FLRT1: variants seen among roughly 807,000 people sequenced by gnomAD.
The protein encoded by FLRT1 is leucine-rich repeat transmembrane protein FLRT1.
In FLRT1, 14 loss-of-function variants were observed where a neutral mutation model predicts 30.9. The observed-to-expected ratio is 0.45, with a 90% CI of 0.30 to 0.71. The LOEUF is 0.71. Among genes scored for constraint, FLRT1 ranks in the 30% least tolerant of loss-of-function variants. The pLI, the probability that FLRT1 is intolerant of heterozygous loss-of-function variation, is 0.08. For missense variants in FLRT1, 737 were observed against 949.2 expected, an observed-to-expected ratio of 0.78 and a Z score of 2.94; for synonymous variants, 368 against 430.4, an observed-to-expected ratio of 0.85 and a Z score of 1.80.
In FLRT1 at chr11:64,047,627, T is replaced by C. The variant is rs145663259; in HGVS notation, c.-1038+11468T>C. Among the ~76,000 whole-genome samples the C allele has an allele frequency of 3.5e-3, 526 of 152,150 alleles. 5 individuals are homozygous for C. The highest frequency in any genetic ancestry group is 0.012 in the African/African-American group (513 of 41,532). ...TAGAGGGAAGGAAGGCCGGGCGCGG[T>C]GGCTTATGCTTGTAATCCCAGCACT... On this transcript the variant is annotated intron_variant, in intron 1 of 2. Transcript: ENST00000682287.
At position 64,082,266 on chromosome 11, in the gene FLRT1, GGGGGT is replaced by G. The variant is rs912984951; in HGVS notation, c.-1037-20925_-1037-20921del. The stretch of plus-strand genomic sequence containing the variant: ...GCTTAGCAGAGGATGGCTGAGCCTG[GGGGGT>G]GGAGAAAATCTTGCCTCCTGCTCTG... On this transcript the variant is annotated intron_variant, in intron 1 of 2. Coordinates refer to ENST00000682287, the MANE Select transcript of FLRT1 (RefSeq NM_013280.5). The surrounding 1 kb of genome is among the most constrained non-coding windows in gnomAD (Gnocchi z 4.5). Among the ~76,000 whole-genome samples the G allele has an allele frequency of 2.6e-5, 4 of 152,136 alleles. No homozygotes were observed. The highest frequency in any genetic ancestry group is 9.7e-5 in the African/African-American group (4 of 41,426).
rs1490700767 is a variant in FLRT1, at chr11:64,036,451, G to A, written c.-1038+292G>A. ...CCGAGCCGAGGCTGGAAAGGGCGGG[G>A]GCTCAGCTGGAGCTCTAGTCCAAGC... On this transcript the variant is annotated intron_variant, in intron 1 of 2. Coordinates refer to ENST00000682287, the MANE Select transcript of FLRT1 (RefSeq NM_013280.5). This position sits in a 1 kb window ranked among gnomAD's most constrained non-coding sequence, Gnocchi z 5.6. Among the ~76,000 whole-genome samples, 1 of 152,160 alleles carries A rather than the reference G, an allele frequency of 6.6e-6. No individual in the cohort carries two copies. Among genetic ancestry groups the A allele is most frequent in the South Asian group, 2.1e-4 (1 of 4,834 alleles).
intron 1 of FLRT1, among the ~76,000 whole-genome samples, chr11:64,072,328 G>A (rs1214830971): frequency 1.3e-5 from 2 of 152,304 alleles, no homozygotes; most frequent in Middle Eastern, 3.4e-3. Context: ...GCACCAGGGC[G>A]AGCCTTTGGG....
intron 1 of FLRT1, among the ~76,000 whole-genome samples, chr11:64,084,844 G>A (rs1184037132): frequency 6.6e-6 from 1 of 152,206 alleles, no homozygotes. Context: ...CCCCGGCCCG[G>A]GAGGGGCGCA....
chr11:64,075,403 A>T (rs1944182776), intron 1 of FLRT1, among the ~76,000 whole-genome samples: 1 of 152,244 alleles, frequency 6.6e-6, no homozygotes, highest in Non-Finnish European at 1.5e-5. Context: ...TCATTTCTTC[A>T]TTGCAATCCA....
rs560578143 is a variant in FLRT1 at position 64,072,042 on chromosome 11, GCACTAAATCCTCCCGGCAGACAA to G, written c.-1037-31151_-1037-31129del. Among the ~76,000 whole-genome samples the G allele has an allele frequency of 1.9e-3, 291 of 152,348 alleles. 3 individuals are homozygous for G. Among genetic ancestry groups the G allele is most frequent in the East Asian group, 0.019 (99 of 5,184 alleles). On this transcript the variant is annotated intron_variant, in intron 1 of 2. Transcript: ENST00000682287. ...ACAAACGCACTATTGACCGCCGCGCGCACTAAATCCTCCCGGCAGACAAGATGATGTGAGCCCGAATCGAATCG... is the reference window on the plus strand; with the variant it reads ...ACAAACGCACTATTGACCGCCGCGCGGATGATGTGAGCCCGAATCGAATCG...
chr11:64,063,610 A>AAG (rs1943943769), intron 1 of FLRT1, among the ~76,000 whole-genome samples: 1 of 152,172 alleles, frequency 6.6e-6, no homozygotes. Flanking sequence ...AAGCTCACGT[A>AAG]GGAATGAAAC....
intron 1 of FLRT1, among the ~76,000 whole-genome samples, chr11:64,041,549 A>G (rs1396319509): frequency 1.3e-5 from 2 of 151,990 alleles, no homozygotes; most frequent in Non-Finnish European, 1.5e-5. Flanking sequence ...GAGTGGTCGC[A>G]GAGGTGGGGC....
chr11:64,056,234 A>G (rs1400440945), intron 1 of FLRT1, among the ~76,000 whole-genome samples: 1 of 152,122 alleles, frequency 6.6e-6, no homozygotes, highest in Non-Finnish European at 1.5e-5. Flanking sequence ...GAGCTGCAGC[A>G]GGTGGGCCCA....
rs1355665609 is a variant in FLRT1, at chr11:64,064,244, G to C, written c.-1038+28085G>C. Among the ~76,000 whole-genome samples, 1 of 152,190 alleles carries C rather than the reference G, an allele frequency of 6.6e-6. No homozygotes were observed. Among genetic ancestry groups the C allele is most frequent in the Admixed American group, 6.5e-5 (1 of 15,284 alleles). ...AAAATCCCAAACTGCACAGCCTAGG[G>C]TTGGGGACAAAAAGCAACCAAGCCA... On this transcript the variant is annotated intron_variant, in intron 1 of 2. Coordinates refer to ENST00000682287, the MANE Select transcript of FLRT1 (RefSeq NM_013280.5). This position sits in a 1 kb window ranked among gnomAD's most constrained non-coding sequence, Gnocchi z 4.5.
chr11:64,047,636 C>A (rs1297769898), intron 1 of FLRT1, among the ~76,000 whole-genome samples: 1 of 152,116 alleles, frequency 6.6e-6, no homozygotes, highest in Non-Finnish European at 1.5e-5. Flanking sequence ...GTGGCTTATG[C>A]TTGTAATCCC....
rs747428002 is a variant in FLRT1 at position 64,082,408 on chromosome 11, G to C, written c.-1037-20786G>C. On this transcript the variant is annotated intron_variant, in intron 1 of 2. Coordinates refer to ENST00000682287, the MANE Select transcript of FLRT1 (RefSeq NM_013280.5). This position sits in a 1 kb window ranked among gnomAD's most constrained non-coding sequence, Gnocchi z 4.5. ...GATGGCTGGGAGGGAGCCTGAAGTG[G>C]GGGCGTCCTAAGGTGAGGGGCAGGC... 2.6e-5 allele frequency among the ~76,000 whole-genome samples: 4 copies of C among 152,000 alleles called. No individual in the cohort carries two copies. Among genetic ancestry groups the C allele is most frequent in the African/African-American group, 7.2e-5 (3 of 41,384 alleles).
chr11:64,037,042 G>A (rs1335811779), intron 1 of FLRT1, among the ~76,000 whole-genome samples: 1 of 151,146 alleles, frequency 6.6e-6, no homozygotes, highest in Non-Finnish European at 1.5e-5. Context: ...GGCCCTCCAG[G>A]GTGGGCAGTT....
At chr11:64,092,108 T>C (rs1249654548) in intron 1 of FLRT1, among the ~76,000 whole-genome samples, 1 of 152,210 alleles carries the variant, frequency 6.6e-6, no homozygotes, top group African/African-American at 2.4e-5. Flanking sequence ...GCCACCGTCC[T>C]TCCTGGCCTC....
rs1944572064 is a variant in FLRT1, at chr11:64,096,115, G to A, written c.-1037-7079G>A. On this transcript the variant is annotated intron_variant, in intron 1 of 2. Transcript: ENST00000682287. The surrounding 1 kb of genome is among the most constrained non-coding windows in gnomAD (Gnocchi z 4.6). ...CAGCCAGGCTGCCAGGAGACGCTGT[G>A]AGAGTGCCCAGACCCTGGAGGCCAG... Among the ~76,000 whole-genome samples the A allele has an allele frequency of 6.6e-6, 1 of 152,246 alleles. No individual in the cohort carries two copies. Among genetic ancestry groups the A allele is most frequent in the Non-Finnish European group, 1.5e-5 (1 of 68,034 alleles).
intron 1 of FLRT1, among the ~76,000 whole-genome samples, chr11:64,087,967 G>A (rs937315752): frequency 4.6e-5 from 7 of 152,176 alleles, no homozygotes; most frequent in African/African-American, 1.7e-4. Flanking sequence ...TCAGCTGTTC[G>A]AGGGGCCAGA....
chr11:64,094,688 G>C (rs1028096368), intron 1 of FLRT1, among the ~76,000 whole-genome samples: 2 of 152,220 alleles, frequency 1.3e-5, no homozygotes, highest in Non-Finnish European at 2.9e-5. Context: ...TTGTCTTTGG[G>C]AAAAGTGGTT....
chr11:64,056,372 A>G (rs983098672), intron 1 of FLRT1, among the ~76,000 whole-genome samples: 1 of 152,136 alleles, frequency 6.6e-6, no homozygotes, highest in African/African-American at 2.4e-5. Flanking sequence ...CAGTGCCAGA[A>G]TGAACAGGCC....
chr11:64,062,941 G>A (rs1011013045), intron 1 of FLRT1, among the ~76,000 whole-genome samples: 1 of 152,192 alleles, frequency 6.6e-6, no homozygotes, highest in South Asian at 2.1e-4. Context: ...AGCCACCTCC[G>A]TGCTCCAGCA....
Sources: gnomAD v4.1 joint callset for allele counts (sites outside exome capture counted in the v4.1 genomes callset) on GRCh38, gnomAD v4.1.1 for gene constraint, Gnocchi (gnomAD v3.1) non-coding constraint, MANE v1.5 for transcripts, NCBI Gene and HGNC (gene_info 2026-07-23, HGNC 2026-07-21) for gene names.